RABEPK: variants seen among roughly 807,000 people sequenced by gnomAD.
The protein encoded by RABEPK is Rab9 effector protein with kelch motifs, also known as 40 kDa Rab9 effector protein.
RABEPK carries 27 observed loss-of-function variants against 34.1 expected under a neutral mutation model. That is an observed-to-expected ratio of 0.79 (90% CI 0.58 to 1.09). The LOEUF (loss-of-function observed/expected upper bound fraction) is 1.09. Among genes scored for constraint, RABEPK ranks in the 50% least tolerant of loss-of-function variants. RABEPK has a pLI of 0.00. For synonymous variants in RABEPK, 172 were observed against 169.2 expected (o/e 1.02, Z -0.13); for missense variants, 449 against 462.6 (o/e 0.97, Z 0.27).
At chr9:125,203,473 C>T (rs1305618423) in intron 2 of RABEPK, among the ~76,000 whole-genome samples, 1 of 152,170 alleles carries the variant, frequency 6.6e-6, no homozygotes, top group African/African-American at 2.4e-5. Context: ...GGCAGCTGCT[C>T]TGTGGGTGCT....
chr9:125,223,741 A>T (rs1049845543), intron 5 of RABEPK, among the ~76,000 whole-genome samples: 2 of 151,772 alleles, frequency 1.3e-5, no homozygotes, highest in African/African-American at 4.8e-5. Context: ...AAAAAAAAAA[A>T]AAAAAATGCT....
chr9:125,233,814 C>CT lies in RABEPK; in HGVS notation c.954dup (p.Leu319SerfsTer4). The CT allele has an allele frequency of 6.2e-7, 1 of 1,614,162 alleles. No homozygotes were observed. Among genetic ancestry groups the CT allele is most frequent in the Non-Finnish European group, 8.5e-7 (1 of 1,180,020 alleles). On this transcript the variant is annotated frameshift_variant, in exon 8 of 8. Transcript: ENST00000373538. LOFTEE classifies it low-confidence loss of function (END_TRUNC). ...GAGAAAGAAGATTCCAACTCTCTCA[C>CT]TCTGAACCATGAAGCTGAGAAAGAG...
chr9:125,221,680 CT>C (rs1156512774), intron 5 of RABEPK: 140 of 141,618 alleles, frequency 9.9e-4, no homozygotes, highest in Admixed American at 1.2e-3. Context: ...TTTTCTTTTT[CT>C]TTTTTTTTTT....
Position 125,207,587 on chromosome 9 carries a change from A to T in RABEPK, c.77A>T (p.Asp26Val). Residue 26 changes from aspartate (D) to valine (V), a missense_variant, in exon 3 of 8, where the codon GAC becomes GTC. Asp to Val is a radical substitution (Grantham distance 152). Transcript: ENST00000373538. ...AGGTACACCTTGACTGTCCCTGGAG[A>T]CAGCCCCTGTGCTCGAGTTGGCCAC... ...ATWYTLTVPG[D>V]SPCARVGHSC... 1 of 1,614,050 alleles carries T rather than the reference A, an allele frequency of 6.2e-7. No individual in the cohort carries two copies. The highest frequency in any genetic ancestry group is 8.5e-7 in the Non-Finnish European group (1 of 1,179,962).
At chr9:125,216,759 C>G (rs1830953968) in intron 4 of RABEPK, among the ~76,000 whole-genome samples, 1 of 151,956 alleles carries the variant, frequency 6.6e-6, no homozygotes, top group South Asian at 2.1e-4. Context: ...TCAGGAGTTC[C>G]AGACCAGCCT....
chr9:125,222,784 C>T (rs950950396), intron 5 of RABEPK, among the ~76,000 whole-genome samples: 1 of 149,318 alleles, frequency 6.7e-6, no homozygotes, highest in African/African-American at 2.5e-5. Flanking sequence ...ATATTTTTCA[C>T]TTAAGCATTG....
intron 5 of RABEPK, among the ~76,000 whole-genome samples, chr9:125,222,653 G>A (rs911674571): frequency 4.8e-5 from 7 of 144,684 alleles, no homozygotes; most frequent in Non-Finnish European, 8.9e-5. Context: ...GGCGGAGGTT[G>A]CAATGAGCCG....
intron 5 of RABEPK, among the ~76,000 whole-genome samples, chr9:125,224,888 C>A (rs1479397862): frequency 2.0e-5 from 3 of 152,146 alleles, no homozygotes; most frequent in Non-Finnish European, 4.4e-5. Context: ...TTATCCTATA[C>A]TGCCACATCA....
At chr9:125,226,868 AAAT>A (rs1041248206) in intron 5 of RABEPK, among the ~76,000 whole-genome samples, 3 of 130,168 alleles carry the variant, frequency 2.3e-5, no homozygotes, top group Admixed American at 7.7e-5. Context: ...TGTCTGCAAA[AAAT>A]AATAATAATA....
chr9:125,228,602 T>G (rs1179847710), intron 6 of RABEPK, among the ~76,000 whole-genome samples: 1 of 149,668 alleles, frequency 6.7e-6, no homozygotes, highest in African/African-American at 2.5e-5. Flanking sequence ...GAGGTTGTGG[T>G]GAGCTAAGAT....
chr9:125,214,868 A>G (rs536308596), intron 4 of RABEPK, among the ~76,000 whole-genome samples: 1 of 142,802 alleles, frequency 7.0e-6, no homozygotes, highest in Non-Finnish European at 1.5e-5. Flanking sequence ...TCGGCTCACC[A>G]CAACCTCTGC....
chr9:125,208,638 C>T (rs1204739839), intron 3 of RABEPK, among the ~76,000 whole-genome samples: 1 of 151,490 alleles, frequency 6.6e-6, no homozygotes, highest in African/African-American at 2.4e-5. Context: ...CAGGTTCAAG[C>T]GATTCTCCTG....
At chr9:125,206,240 T>C (rs182127582) in intron 2 of RABEPK, among the ~76,000 whole-genome samples, 43 of 152,184 alleles carry the variant, frequency 2.8e-4, no homozygotes, top group African/African-American at 1.0e-3. Context: ...CTGGGCGTGG[T>C]GGGCGCGTCC....
intron 6 of RABEPK, among the ~76,000 whole-genome samples, chr9:125,230,296 T>A (rs1832076704): frequency 6.6e-6 from 1 of 151,818 alleles, no homozygotes; most frequent in Non-Finnish European, 1.5e-5. Flanking sequence ...GATGAAGAAA[T>A]GAACATGTTC....
At chr9:125,206,373 C>T (rs1308343770) in intron 2 of RABEPK, among the ~76,000 whole-genome samples, 2 of 152,072 alleles carry the variant, frequency 1.3e-5, no homozygotes, top group East Asian at 1.9e-4. Flanking sequence ...TGGTGCGCGC[C>T]TGTAGTCCCA....
intron 3 of RABEPK, among the ~76,000 whole-genome samples, chr9:125,210,954 C>A (rs1203053057): frequency 6.8e-6 from 1 of 148,024 alleles, no homozygotes; most frequent in South Asian, 2.2e-4. Context: ...TCTCCTGGGC[C>A]GGGCATGGTG....
At position 125,217,216 on chromosome 9, in the gene RABEPK, T is replaced by G. The variant is rs529206204; in HGVS notation, c.365-3323T>G. The stretch of plus-strand genomic sequence containing the variant: ...TAATTTGTCAAGGATTTAAATAAAC[T>G]CAGTATCTGGCACATAATTAATGCT... On this transcript the variant is annotated intron_variant, in intron 4 of 7. Transcript: ENST00000373538. 4.6e-5 allele frequency among the ~76,000 whole-genome samples: 7 copies of G among 152,254 alleles called. No homozygotes were observed. In the East Asian group the frequency reaches 1.3e-3, roughly 29 times the overall value.
At chr9:125,229,385 T>G (rs900562451) in intron 6 of RABEPK, among the ~76,000 whole-genome samples, 8 of 151,800 alleles carry the variant, frequency 5.3e-5, no homozygotes, top group Non-Finnish European at 1.2e-4. Context: ...GTGAGCTGAT[T>G]GCACCCCTGC....
intron 4 of RABEPK, among the ~76,000 whole-genome samples, chr9:125,218,321 C>CAAAAAAAAAAAAAAAAA (rs71374234): frequency 2.4e-5 from 1 of 41,152 alleles, no homozygotes; most frequent in African/African-American, 1.0e-4. Context: ...GACTCCGTCT[C>CAAAAAAAAAAAAAAAAA]AAAAAAAAAA....
Sources: gnomAD v4.1 joint callset for allele counts (sites outside exome capture counted in the v4.1 genomes callset) on GRCh38, gnomAD v4.1.1 for gene constraint, MANE v1.5 for transcripts, NCBI Gene and HGNC (gene_info 2026-07-23, HGNC 2026-07-21) for gene names.